Variants in GLIS3 observed in about 807,000 individuals in gnomAD.
GLIS3 encodes zinc finger protein GLIS3.
GLIS3 carries 53 observed loss-of-function variants against 78.6 expected under a neutral mutation model. The observed-to-expected ratio is 0.67, with a 90% confidence interval of 0.54 to 0.85. The LOEUF is 0.85. GLIS3 is among the 40% of genes least tolerant of loss of function. The pLI, the probability that GLIS3 is intolerant of heterozygous loss-of-function variation, is 0.00. For missense variants in GLIS3, 1,703 were observed against 1,231.1 expected (o/e 1.38, Z -5.74); for synonymous variants, 684 against 509.9 (o/e 1.34, Z -4.60).
chr9:4,124,407 G>C (rs1468220031), intron 3 of GLIS3, among the ~76,000 whole-genome samples: 1 of 152,192 alleles, frequency 6.6e-6, no homozygotes. Context: ...ACTACTGTCA[G>C]TTTCACCGTT....
chr9:4,464,172 G>A, the GLIS3 span, among the ~76,000 whole-genome samples: 4 of 152,112 alleles, frequency 2.6e-5, no homozygotes, highest in East Asian at 7.7e-4. Flanking sequence ...CTCAGCTTAT[G>A]TAGACTTTAA....
the GLIS3 span, among the ~76,000 whole-genome samples, chr9:4,412,750 G>T: frequency 6.6e-6 from 1 of 152,036 alleles, no homozygotes; most frequent in Non-Finnish European, 1.5e-5. Flanking sequence ...GTTAAATTTA[G>T]CCATAAGACT....
intron 4 of GLIS3, among the ~76,000 whole-genome samples, chr9:4,094,883 A>C (rs1829816430): frequency 6.7e-6 from 1 of 150,178 alleles, no homozygotes; most frequent in African/African-American, 2.4e-5. Flanking sequence ...AAGTATTTTT[A>C]ATTGCTTAAT....
rs576550411 is a variant in GLIS3, at chr9:4,005,087, C to G, written c.1711-67898G>C. Among the ~76,000 whole-genome samples, 55 of 152,316 alleles carry G rather than the reference C, an allele frequency of 3.6e-4. 1 individual carries two copies. The South Asian group carries it at 0.011, about 31-fold the overall frequency. ...TGAACTGTCATCAAAAACATTCAAA[C>G]TACAGCTCCCACTTTCCCACATTTG... On this transcript the variant is annotated intron_variant, in intron 4 of 10. Transcript: ENST00000381971.
chr9:4,147,327 A>G (rs1371442053), intron 2 of GLIS3: 3 of 152,222 alleles, frequency 2.0e-5, no homozygotes, highest in African/African-American at 7.2e-5. Context: ...GATCAAAATC[A>G]TCAGCAAAAG....
At chr9:3,858,572 A>C (rs1819945748) in intron 8 of GLIS3, among the ~76,000 whole-genome samples, 1 of 152,186 alleles carries the variant, frequency 6.6e-6, no homozygotes, top group East Asian at 1.9e-4. Flanking sequence ...TAGTCAAATA[A>C]ATGAATTTAT....
chr9:4,044,208 CG>C (rs929422062), intron 4 of GLIS3, among the ~76,000 whole-genome samples: 2 of 152,158 alleles, frequency 1.3e-5, no homozygotes, highest in African/African-American at 4.8e-5. Flanking sequence ...TCAAAGTCTT[CG>C]GAACAGTGTG....
chr9:4,063,341 G>A (rs1564002292), intron 4 of GLIS3, among the ~76,000 whole-genome samples: 1 of 152,100 alleles, frequency 6.6e-6, no homozygotes, highest in Non-Finnish European at 1.5e-5. Flanking sequence ...ATACTGCAAA[G>A]GGGATGATAT....
At chr9:3,868,703 A>T (rs970702400) in intron 8 of GLIS3, among the ~76,000 whole-genome samples, 2 of 152,152 alleles carry the variant, frequency 1.3e-5, no homozygotes, top group African/African-American at 4.8e-5. Flanking sequence ...GGCCCAACAC[A>T]CAACTTCTTG....
intron 4 of GLIS3, among the ~76,000 whole-genome samples, chr9:4,101,700 A>C (rs1231167480): frequency 6.6e-6 from 1 of 152,228 alleles, no homozygotes; most frequent in East Asian, 1.9e-4. Flanking sequence ...TTTCAAAAAA[A>C]GTTTAATCTT....
intron 2 of GLIS3, among the ~76,000 whole-genome samples, chr9:4,207,295 A>C (rs867915009): frequency 9.2e-5 from 14 of 152,216 alleles, no homozygotes; most frequent in African/African-American, 3.4e-4. Context: ...AAGGATGCAC[A>C]CAAAATATTT....
the GLIS3 span, among the ~76,000 whole-genome samples, chr9:4,439,651 A>G: frequency 2.1e-4 from 32 of 152,172 alleles, no homozygotes; most frequent in Non-Finnish European, 8.8e-5. Context: ...TAGATTTCAC[A>G]TGAGAGATTA....
intron 6 of GLIS3, among the ~76,000 whole-genome samples, chr9:3,923,821 G>T (rs1825052920): frequency 6.6e-6 from 1 of 152,204 alleles, no homozygotes; most frequent in Admixed American, 6.5e-5. Flanking sequence ...TGTAGTGGCA[G>T]TGTGACAAGC....
chr9:4,114,112 T>A (rs1324690068), intron 4 of GLIS3, among the ~76,000 whole-genome samples: 1 of 152,152 alleles, frequency 6.6e-6, no homozygotes, highest in Non-Finnish European at 1.5e-5. Context: ...GTGTTTCTGA[T>A]CCTAGCAACA....
chr9:4,245,377 G>A lies in GLIS3; in HGVS notation c.388+40661C>T, dbSNP rs72690043. 6.8e-4 allele frequency among the ~76,000 whole-genome samples: 104 copies of A among 152,246 alleles called. 1 individual carries two copies. The East Asian group carries it at 0.019, about 28-fold the overall frequency. On this transcript the variant is annotated intron_variant, in intron 2 of 10. Transcript: ENST00000381971. ...AATCGGAAGACCCAAATTCGGGTGC[G>A]AACTCATCACTTTGCCAAATTTCAA...
chr9:4,089,149 T>A (rs1005190864), intron 4 of GLIS3, among the ~76,000 whole-genome samples: 2 of 152,234 alleles, frequency 1.3e-5, no homozygotes, highest in African/African-American at 4.8e-5. Flanking sequence ...TTCTTAATAA[T>A]CCAAATATTC....
chr9:3,888,955 A>T (rs922957688), intron 7 of GLIS3, among the ~76,000 whole-genome samples: 6 of 152,224 alleles, frequency 3.9e-5, no homozygotes, highest in African/African-American at 1.4e-4. Context: ...CATCCCTGTT[A>T]GAATGTGACT....
intron 4 of GLIS3, among the ~76,000 whole-genome samples, chr9:3,965,340 C>A (rs933488074): frequency 6.6e-6 from 1 of 151,392 alleles, no homozygotes; most frequent in Non-Finnish European, 1.5e-5. Flanking sequence ...ACTACAGGCG[C>A]GAGCCACCAC....
At chr9:4,264,801 A>G (rs549712279) in intron 2 of GLIS3, among the ~76,000 whole-genome samples, 1 of 152,262 alleles carries the variant, frequency 6.6e-6, no homozygotes, top group East Asian at 1.9e-4. Flanking sequence ...TTTCATTAGA[A>G]CATAAGGTGA....
Sources: gnomAD v4.1 joint callset for allele counts (sites outside exome capture counted in the v4.1 genomes callset) on GRCh38, gnomAD v4.1.1 for gene constraint, MANE v1.5 for transcripts, NCBI Gene and HGNC (gene_info 2026-07-23, HGNC 2026-07-21) for gene names.